GRM3: variants seen among roughly 807,000 people sequenced by gnomAD.
GRM3 encodes glutamate metabotropic receptor 3.
GRM3 carries 26 observed loss-of-function variants against 70.5 expected under a neutral mutation model. The observed-to-expected ratio is 0.37, with a 90% CI of 0.27 to 0.51. GRM3 has a LOEUF of 0.51. Ranked by LOEUF, GRM3 falls within the 20% of genes least tolerant of loss-of-function variation. The probability of loss-of-function intolerance (pLI) is 0.93; values close to 1 mark genes in which losing one functional copy is unlikely to be tolerated. For synonymous variants in GRM3, 443 were observed against 434.9 expected (o/e 1.02, Z -0.23); for missense variants, 859 against 1,123.8 (o/e 0.76, Z 3.37).
chr7:86,741,691 C>T (rs888905418), intron 1 of GRM3, among the ~76,000 whole-genome samples: 3 of 152,096 alleles, frequency 2.0e-5, no homozygotes, highest in Non-Finnish European at 1.5e-5. Context: ...GACACCACCC[C>T]AGAACTTTTA....
chr7:86,707,002 T>G (rs1795074791), intron 1 of GRM3, among the ~76,000 whole-genome samples: 1 of 152,028 alleles, frequency 6.6e-6, no homozygotes. Context: ...TTTTTAAAAT[T>G]TTCTTTGAGG....
intron 1 of GRM3, among the ~76,000 whole-genome samples, chr7:86,733,317 A>G (rs982044492): frequency 1.3e-5 from 2 of 151,436 alleles, no homozygotes; most frequent in African/African-American, 4.9e-5. Flanking sequence ...CCGTCTCAAA[A>G]AAAAAAAAAA....
chr7:86,650,970 C>A (rs1354108631), intron 1 of GRM3, among the ~76,000 whole-genome samples: 1 of 152,110 alleles, frequency 6.6e-6, no homozygotes, highest in East Asian at 1.9e-4. Context: ...TTTTACACAT[C>A]GGGACATTTA....
At chr7:86,715,491 A>C (rs1249060061) in intron 1 of GRM3, among the ~76,000 whole-genome samples, 2 of 152,034 alleles carry the variant, frequency 1.3e-5, no homozygotes, top group Non-Finnish European at 2.9e-5. Flanking sequence ...GTAGATGCCC[A>C]GTAAATGCCT....
At chr7:86,702,688 G>A (rs1794970234) in intron 1 of GRM3, among the ~76,000 whole-genome samples, 1 of 151,902 alleles carries the variant, frequency 6.6e-6, no homozygotes, top group Non-Finnish European at 1.5e-5. Flanking sequence ...TAAACAAAAT[G>A]ATCTCTATCT....
chr7:86,761,790 C>T (rs535938078), intron 1 of GRM3, among the ~76,000 whole-genome samples: 28 of 152,220 alleles, frequency 1.8e-4, no homozygotes, highest in African/African-American at 6.5e-4. Context: ...TGTTCCTTCC[C>T]TATTTGAAGG....
At chr7:86,771,628 C>A (rs535083551) in intron 2 of GRM3, among the ~76,000 whole-genome samples, 14 of 151,840 alleles carry the variant, frequency 9.2e-5, no homozygotes, top group Non-Finnish European at 1.6e-4. Context: ...ACATAAAATA[C>A]AATTTTAAAA....
At chr7:86,653,390 A>G (rs914590517) in intron 1 of GRM3, among the ~76,000 whole-genome samples, 1 of 152,246 alleles carries the variant, frequency 6.6e-6, no homozygotes, top group Non-Finnish European at 1.5e-5. Context: ...ATATCCAGTG[A>G]ATTTCTTTTA....
At chr7:86,674,564 TACA>T (rs1485419331) in intron 1 of GRM3, among the ~76,000 whole-genome samples, 3 of 152,154 alleles carry the variant, frequency 2.0e-5, no homozygotes, top group Non-Finnish European at 4.4e-5. Context: ...CACTATCCTT[TACA>T]ACTTTCAGAA....
chr7:86,667,597 T>G (rs1428247419), intron 1 of GRM3, among the ~76,000 whole-genome samples: 1 of 152,160 alleles, frequency 6.6e-6, no homozygotes, highest in Non-Finnish European at 1.5e-5. Flanking sequence ...GCTCTCAAGA[T>G]ATTCCCTGGA....
chr7:86,856,305 G>C (rs1333207880), intron 5 of GRM3, among the ~76,000 whole-genome samples: 1 of 151,896 alleles, frequency 6.6e-6, no homozygotes, highest in East Asian at 1.9e-4. Context: ...AATTAGCCAG[G>C]CATGGTGGTG....
In GRM3 at chr7:86,785,685, A is replaced by ATTTTTTTTTTTTTTTTT. The variant is rs749456155; in HGVS notation, c.469-559_469-543dup. ...TTGGGTGGTGGACTAAATAGAATTG[A>ATTTTTTTTTTTTTTTTT]TTTTTTTTTTTTTTTTTTTTTTTTT... On this transcript the variant is annotated intron_variant, in intron 2 of 5. Coordinates refer to ENST00000361669, the MANE Select transcript of GRM3 (RefSeq NM_000840.3). 4.3e-4 allele frequency among the ~76,000 whole-genome samples: 28 copies of ATTTTTTTTTTTTTTTTT among 65,232 alleles called. 3 individuals are homozygous for ATTTTTTTTTTTTTTTTT. Among genetic ancestry groups the ATTTTTTTTTTTTTTTTT allele is most frequent in the East Asian group, 1.3e-3 (2 of 1,534 alleles). 42.8% of individuals were successfully genotyped at this position (65,232 alleles called of 152,430 possible). A position where few individuals can be genotyped will look rare whatever the true frequency, so the allele number is the denominator to read the frequency against.
chr7:86,792,029 A>G (rs1396406938), intron 3 of GRM3, among the ~76,000 whole-genome samples: 1 of 152,254 alleles, frequency 6.6e-6, no homozygotes, highest in East Asian at 1.9e-4. Flanking sequence ...GTAAAATTTC[A>G]GAATTTATGA....
intron 1 of GRM3, among the ~76,000 whole-genome samples, chr7:86,645,746 C>A (rs1793445208): frequency 6.6e-6 from 1 of 151,860 alleles, no homozygotes; most frequent in Non-Finnish European, 1.5e-5. Context: ...AACTATACAC[C>A]TCTAAAGATC....
chr7:86,719,816 G>A (rs2116220959), intron 1 of GRM3, among the ~76,000 whole-genome samples: 1 of 151,952 alleles, frequency 6.6e-6, no homozygotes, highest in African/African-American at 2.4e-5. Flanking sequence ...AACCTTACAA[G>A]CTGCCTTAAG....
intron 1 of GRM3, among the ~76,000 whole-genome samples, chr7:86,709,595 T>C (rs1163077013): frequency 6.6e-6 from 1 of 152,006 alleles, no homozygotes; most frequent in African/African-American, 2.4e-5. Flanking sequence ...ATGGAACCAC[T>C]CTGCTCTCAT....
At chr7:86,793,949 C>T (rs1202128677) in intron 3 of GRM3, among the ~76,000 whole-genome samples, 1 of 152,136 alleles carries the variant, frequency 6.6e-6, no homozygotes, top group East Asian at 1.9e-4. Flanking sequence ...CCTTGCTAGT[C>T]AGAAAAAATT....
chr7:86,780,385 CAT>C (rs904740314), intron 2 of GRM3, among the ~76,000 whole-genome samples: 9 of 152,120 alleles, frequency 5.9e-5, no homozygotes, highest in Admixed American at 1.3e-4. Context: ...TGCTGGCAAA[CAT>C]AATCATATCT....
chr7:86,718,168 A>G (rs1301978678), intron 1 of GRM3, among the ~76,000 whole-genome samples: 1 of 151,884 alleles, frequency 6.6e-6, no homozygotes, highest in Non-Finnish European at 1.5e-5. Flanking sequence ...TACCATTTAC[A>G]TACTTCAGCT....
Sources: gnomAD v4.1 joint callset for allele counts (sites outside exome capture counted in the v4.1 genomes callset) on GRCh38, gnomAD v4.1.1 for gene constraint, MANE v1.5 for transcripts, NCBI Gene and HGNC (gene_info 2026-07-23, HGNC 2026-07-21) for gene names.